SLCO3A1: variants seen among roughly 807,000 people sequenced by gnomAD.
SLCO3A1 encodes the protein solute carrier organic anion transporter family member 3A1, also known as PGE1 transporter.
SLCO3A1 carries 27 observed loss-of-function variants against 63.1 expected under a neutral mutation model. That is an observed-to-expected ratio of 0.43 (90% CI 0.32 to 0.59). The LOEUF (loss-of-function observed/expected upper bound fraction) is 0.59. Among genes scored for constraint, SLCO3A1 ranks in the 20% least tolerant of loss-of-function variants. The probability of loss-of-function intolerance (pLI) is 0.09; values close to 1 mark genes in which losing one functional copy is unlikely to be tolerated. For synonymous variants in SLCO3A1, 473 were observed against 409.9 expected, an observed-to-expected ratio of 1.15 and a Z score of -1.86; for missense variants, 773 against 945.8, an observed-to-expected ratio of 0.82 and a Z score of 2.40.
chr15:92,113,901 G>T (rs1350370413), intron 4 of SLCO3A1, among the ~76,000 whole-genome samples: 1 of 152,240 alleles, frequency 6.6e-6, no homozygotes, highest in East Asian at 1.9e-4. Context: ...ATCACCTGTG[G>T]AGTTTCTTGA....
chr15:92,019,379 C>T (rs754109505), intron 2 of SLCO3A1, among the ~76,000 whole-genome samples: 1 of 152,176 alleles, frequency 6.6e-6, no homozygotes, highest in Non-Finnish European at 1.5e-5. Context: ...CAGGTAAAGG[C>T]AAAGCATGTA....
chr15:91,927,025 T>C (rs755111228), intron 2 of SLCO3A1, among the ~76,000 whole-genome samples: 75 of 152,250 alleles, frequency 4.9e-4, no homozygotes, highest in Admixed American at 1.7e-3. Flanking sequence ...GGAATGTTGT[T>C]CACTGTTCAG....
At chr15:92,078,410 G>A (rs774040170) in intron 2 of SLCO3A1, among the ~76,000 whole-genome samples, 56 of 152,220 alleles carry the variant, frequency 3.7e-4, no homozygotes, top group Non-Finnish European at 7.2e-4. Flanking sequence ...ACACACCTGA[G>A]CCCAGGAGCT....
At chr15:91,956,298 A>G (rs1900175143) in intron 2 of SLCO3A1, among the ~76,000 whole-genome samples, 1 of 152,048 alleles carries the variant, frequency 6.6e-6, no homozygotes, top group African/African-American at 2.4e-5. Flanking sequence ...ACTGAGGAGG[A>G]TTTGATGCGA....
chr15:92,088,504 A>G (rs1484403615), intron 2 of SLCO3A1, among the ~76,000 whole-genome samples: 1 of 152,218 alleles, frequency 6.6e-6, no homozygotes, highest in Non-Finnish European at 1.5e-5. Flanking sequence ...TCACTACTGT[A>G]ACAAATTATT....
At chr15:92,153,578 G>C (rs1055557919) in intron 9 of SLCO3A1, 12 of 152,232 alleles carry the variant, frequency 7.9e-5, no homozygotes, top group African/African-American at 2.7e-4. Flanking sequence ...CAACTTTTTT[G>C]CTGGCCTAGC....
intron 9 of SLCO3A1, chr15:92,155,271 G>C (rs2048357439): frequency 6.6e-6 from 1 of 152,166 alleles, no homozygotes; most frequent in Non-Finnish European, 1.5e-5. Context: ...TTGTTCCTGG[G>C]GCCACTGCTT....
intron 2 of SLCO3A1, among the ~76,000 whole-genome samples, chr15:91,937,180 A>G (rs924372267): frequency 6.6e-6 from 1 of 152,162 alleles, no homozygotes; most frequent in African/African-American, 2.4e-5. Flanking sequence ...ACTTACATTA[A>G]AATGTGTTTC....
intron 2 of SLCO3A1, among the ~76,000 whole-genome samples, chr15:92,006,754 A>C (rs1366226402): frequency 6.6e-6 from 1 of 152,264 alleles, no homozygotes; most frequent in Admixed American, 6.5e-5. Flanking sequence ...CGTAATAAAC[A>C]GGATAGATGT....
downstream of SLCO3A1, among the ~76,000 whole-genome samples, chr15:92,168,325 G>A (rs1368944168): frequency 6.6e-6 from 1 of 152,212 alleles, no homozygotes; most frequent in Non-Finnish European, 1.5e-5. Context: ...ATTGCCCCCA[G>A]AGAGAGCGCC....
At chr15:91,915,879 G>A (rs1744897385) in intron 1 of SLCO3A1, 114 bp from the exon 2 acceptor site, 2 of 838,452 alleles carry the variant, frequency 2.4e-6, no homozygotes, top group Non-Finnish European at 3.9e-6. Context: ...TGGCACCGGA[G>A]GCCAGGTGGG....
intron 2 of SLCO3A1, among the ~76,000 whole-genome samples, chr15:92,019,430 C>G (rs2046479532): frequency 6.6e-6 from 1 of 152,180 alleles, no homozygotes; most frequent in Non-Finnish European, 1.5e-5. Context: ...TACTTTCTTC[C>G]CCTTCACCCC....
At position 91,894,225 on chromosome 15, in the gene SLCO3A1, T is replaced by G. The variant is rs993320198; in HGVS notation, c.181-21768T>G. 1.3e-5 allele frequency among the ~76,000 whole-genome samples: 2 copies of G among 151,278 alleles called. No individual in the cohort carries two copies. The highest frequency in any genetic ancestry group is 4.9e-5 in the African/African-American group (2 of 41,094). On this transcript the variant is annotated intron_variant, in intron 1 of 9. Coordinates refer to ENST00000318445, the MANE Select transcript of SLCO3A1 (RefSeq NM_013272.4). This position sits in a 1 kb window ranked among gnomAD's most constrained non-coding sequence, Gnocchi z 4.8. ...TATGGGATGGTGGTAGGAAATGAGG[T>G]TGGAGAGGAGGGCAGGGGTGGGGGG... is the stretch of plus-strand genomic sequence containing the variant.
At chr15:92,097,596 C>T (rs1167850345) in intron 3 of SLCO3A1, among the ~76,000 whole-genome samples, 1 of 152,194 alleles carries the variant, frequency 6.6e-6, no homozygotes, top group Non-Finnish European at 1.5e-5. Context: ...GGCAGGTGGG[C>T]TCCTTTCAGT....
chr15:92,045,279 C>CA (rs11400205), intron 2 of SLCO3A1, among the ~76,000 whole-genome samples: 81,694 of 129,304 alleles, frequency 0.63, 25,911 homozygotes, highest in Admixed American at 0.76. Context: ...GACTCCATCT[C>CA]AAAAAAAAAA....
chr15:91,930,415 C>A (rs1292955726), intron 2 of SLCO3A1, among the ~76,000 whole-genome samples: 1 of 152,132 alleles, frequency 6.6e-6, no homozygotes, highest in African/African-American at 2.4e-5. Flanking sequence ...ACCTTTGTTA[C>A]AAAGGTTCCA....
chr15:92,029,351 T>A (rs1183195213), intron 2 of SLCO3A1, among the ~76,000 whole-genome samples: 4 of 152,182 alleles, frequency 2.6e-5, no homozygotes, highest in Non-Finnish European at 5.9e-5. Context: ...GGAGTGGGCA[T>A]GAGCGGCAGG....
At chr15:91,984,372 G>A (rs192936664) in intron 2 of SLCO3A1, among the ~76,000 whole-genome samples, 19 of 152,200 alleles carry the variant, frequency 1.2e-4, no homozygotes, top group African/African-American at 3.4e-4. Flanking sequence ...CTTTCTTATC[G>A]GAGATTTACA....
intron 9 of SLCO3A1, among the ~76,000 whole-genome samples, chr15:92,155,679 G>A (rs545278050): frequency 7.1e-6 from 1 of 139,990 alleles, no homozygotes; most frequent in East Asian, 2.0e-4. Flanking sequence ...CAGTGGGTTT[G>A]AACGGTAAAG....
Sources: gnomAD v4.1 joint callset for allele counts (sites outside exome capture counted in the v4.1 genomes callset) on GRCh38, gnomAD v4.1.1 for gene constraint, Gnocchi (gnomAD v3.1) non-coding constraint, MANE v1.5 for transcripts, NCBI Gene and HGNC (gene_info 2026-07-23, HGNC 2026-07-21) for gene names.